MRPL48: variants seen among roughly 807,000 people sequenced by gnomAD.
MRPL48 encodes the protein large ribosomal subunit protein mL48.
A neutral mutation model predicts 32.9 loss-of-function variants in MRPL48; 16 were observed. The ratio of observed to expected loss-of-function variants is 0.49; its 90% CI spans 0.33 to 0.74. The LOEUF (loss-of-function observed/expected upper bound fraction) is 0.74. Ranked by LOEUF, MRPL48 falls within the 30% of genes least tolerant of loss-of-function variation. The probability of loss-of-function intolerance (pLI) is 0.02; values close to 1 mark genes in which losing one functional copy is unlikely to be tolerated. For synonymous variants in MRPL48, 94 were observed against 89.2 expected (o/e 1.05, Z -0.31); for missense variants, 206 against 245.3 (o/e 0.84, Z 1.07).
intron 3 of MRPL48, chr11:73,817,805 GTTGTTT>G (rs566651528): frequency 3.0e-4 from 121 of 404,804 alleles, no homozygotes; most frequent in African/African-American, 1.8e-3. Context: ...TGTTGTTGTT[GTTGTTT>G]TTGTTTTTGA....
intron 5 of MRPL48, among the ~76,000 whole-genome samples, chr11:73,858,521 C>A (rs190049796): frequency 4.6e-5 from 7 of 152,224 alleles, no homozygotes; most frequent in Non-Finnish European, 7.4e-5. Flanking sequence ...GTGATCCACC[C>A]GCATCGGCCT....
intron 5 of MRPL48, among the ~76,000 whole-genome samples, chr11:73,859,605 T>C (rs1282830815): frequency 1.3e-5 from 2 of 152,310 alleles, no homozygotes; most frequent in East Asian, 3.9e-4. Context: ...GAATGGGCCA[T>C]TCTTCAGTAG....
intron 5 of MRPL48, among the ~76,000 whole-genome samples, chr11:73,850,196 C>CTT (rs35291814): frequency 7.1e-6 from 1 of 140,154 alleles, no homozygotes; most frequent in Admixed American, 7.2e-5. Flanking sequence ...ATTACACTTG[C>CTT]TTTTTTTTTT....
At chr11:73,820,386 G>A (rs182112488) in intron 3 of MRPL48, among the ~76,000 whole-genome samples, 5 of 152,146 alleles carry the variant, frequency 3.3e-5, no homozygotes, top group East Asian at 1.9e-4. Flanking sequence ...CATCACACCC[G>A]GCTAATTTTT....
intron 1 of MRPL48, among the ~76,000 whole-genome samples, chr11:73,797,862 CA>C (rs1402683805): frequency 6.6e-6 from 1 of 152,102 alleles, no homozygotes; most frequent in African/African-American, 2.4e-5. Flanking sequence ...AATGACACTC[CA>C]AAAATCCCGT....
intron 1 of MRPL48, among the ~76,000 whole-genome samples, chr11:73,789,080 A>G (rs1947101707): frequency 6.6e-6 from 1 of 152,184 alleles, no homozygotes; most frequent in Admixed American, 6.6e-5. Flanking sequence ...GTGAGGGCCC[A>G]CGCCTCACTT....
At chr11:73,833,964 C>T (rs1470221958) in intron 4 of MRPL48, among the ~76,000 whole-genome samples, 1 of 152,122 alleles carries the variant, frequency 6.6e-6, no homozygotes, top group African/African-American at 2.4e-5. Context: ...TCAGGTAATC[C>T]TCCCACCTCA....
chr11:73,811,478 C>T (rs1947566196), intron 3 of MRPL48, among the ~76,000 whole-genome samples: 1 of 152,002 alleles, frequency 6.6e-6, no homozygotes, highest in Non-Finnish European at 1.5e-5. Flanking sequence ...CTTAATTATA[C>T]TTTTTATTTT....
At chr11:73,804,660 T>G (rs1303944773) in intron 1 of MRPL48, among the ~76,000 whole-genome samples, 1 of 152,200 alleles carries the variant, frequency 6.6e-6, no homozygotes, top group African/African-American at 2.4e-5. Context: ...GAAATTGTCT[T>G]GCAGTGTTTT....
chr11:73,788,708 G>A (rs1947095291), intron 1 of MRPL48, among the ~76,000 whole-genome samples: 1 of 152,080 alleles, frequency 6.6e-6, no homozygotes, highest in African/African-American at 2.4e-5. Flanking sequence ...TCCTGACCAC[G>A]TGATCTGCCC....
At chr11:73,839,493 T>C (rs1948154958) in intron 4 of MRPL48, among the ~76,000 whole-genome samples, 1 of 152,114 alleles carries the variant, frequency 6.6e-6, no homozygotes. Context: ...GAGAAACAAA[T>C]GCACATATCT....
At chr11:73,788,017 G>A in intron 1 of MRPL48, 25 bp downstream of exon 1, 1 of 1,498,048 alleles carries the variant, frequency 6.7e-7, no homozygotes, top group Non-Finnish European at 9.1e-7. Context: ...ACGCACGCGG[G>A]GCGCGGGGAG....
At chr11:73,845,172 CT>C (rs1948266795) in intron 5 of MRPL48, 196 bp downstream of exon 5, 2 of 465,444 alleles carry the variant, frequency 4.3e-6, no homozygotes, top group South Asian at 1.1e-4. Context: ...AGTCAGTCTT[CT>C]CCCTCTTCCC....
intron 1 of MRPL48, 62 bp downstream of exon 1, chr11:73,788,054 T>TGGCGGACGGTGCAGAGAGGGGAGAG: frequency 3.1e-6 from 5 of 1,598,550 alleles, no homozygotes; most frequent in South Asian, 1.1e-5. Flanking sequence ...AGAGGGGAGA[T>TGGCGGACGGTGCAGAGAGGGGAGAG]GGCGGAGGGT....
At chr11:73,848,927 C>G (rs1442972335) in intron 5 of MRPL48, among the ~76,000 whole-genome samples, 2 of 151,832 alleles carry the variant, frequency 1.3e-5, no homozygotes, top group African/African-American at 4.8e-5. Flanking sequence ...TCAAGTGATT[C>G]TCCTGCCTCA....
chr11:73,856,295 T>G lies in MRPL48; in HGVS notation c.372-3612T>G, dbSNP rs1474309709. Among the ~76,000 whole-genome samples, 7 of 152,160 alleles carry G rather than the reference T, an allele frequency of 4.6e-5. No individual in the cohort carries two copies. In the East Asian group the frequency reaches 5.8e-4, roughly 13 times the overall value. On this transcript the variant is annotated intron_variant, in intron 5 of 7. Coordinates refer to ENST00000310614, the MANE Select transcript of MRPL48 (RefSeq NM_016055.6). ...ACTACCCAGCCTTTCAGAGATGAAA[T>G]TATTTTCTTCTGATTTTCATTTCAT...
chr11:73,846,580 G>T (rs910725914), intron 5 of MRPL48, among the ~76,000 whole-genome samples: 2 of 151,470 alleles, frequency 1.3e-5, no homozygotes, highest in African/African-American at 2.4e-5. Context: ...GGCTGGTCTC[G>T]AACTCCTGAC....
intron 3 of MRPL48, among the ~76,000 whole-genome samples, chr11:73,814,111 G>A (rs572449761): frequency 3.3e-5 from 5 of 151,454 alleles, no homozygotes; most frequent in African/African-American, 1.2e-4. Context: ...ATGTGGTCCA[G>A]ACCAGGTGTA....
chr11:73,860,652 T>C (rs894731743), intron 6 of MRPL48, among the ~76,000 whole-genome samples: 5 of 152,046 alleles, frequency 3.3e-5, no homozygotes, highest in Non-Finnish European at 7.4e-5. Flanking sequence ...TACCCAGAGG[T>C]ATAAAAAATT....
Sources: gnomAD v4.1 joint callset for allele counts (sites outside exome capture counted in the v4.1 genomes callset) on GRCh38, gnomAD v4.1.1 for gene constraint, MANE v1.5 for transcripts, NCBI Gene and HGNC (gene_info 2026-07-23, HGNC 2026-07-21) for gene names.